The following NRG3 variants were observed in gnomAD, a reference collection of about 807,000 sequenced individuals.
NRG3 encodes pro-neuregulin-3, membrane-bound isoform.
NRG3 carries 31 observed loss-of-function variants against 66.9 expected under a neutral mutation model. The observed-to-expected ratio is 0.46, with a 90% CI of 0.35 to 0.63. The LOEUF is 0.63. NRG3 is among the 20% of genes least tolerant of loss of function. The pLI, the probability that NRG3 is intolerant of heterozygous loss-of-function variation, is 0.00. For synonymous variants in NRG3, 393 were observed against 359.4 expected, an observed-to-expected ratio of 1.09 and a Z score of -1.06; for missense variants, 910 against 878.9, an observed-to-expected ratio of 1.04 and a Z score of -0.45.
intron 1 of NRG3, among the ~76,000 whole-genome samples, chr10:82,013,764 T>C (rs965710450): frequency 9.2e-5 from 14 of 152,192 alleles, no homozygotes; most frequent in African/African-American, 3.4e-4. Flanking sequence ...CATGCAATTA[T>C]ATGTCTAATG....
chr10:82,898,715 C>CTTTTTTT (rs765058089), intron 4 of NRG3, among the ~76,000 whole-genome samples: 23 of 89,386 alleles, frequency 2.6e-4, no homozygotes, highest in African/African-American at 8.8e-4. Context: ...GGAGTTTTAC[C>CTTTTTTT]TTTTTTTTTT....
chr10:82,657,712 A>G (rs983674329), intron 2 of NRG3, among the ~76,000 whole-genome samples: 5 of 152,294 alleles, frequency 3.3e-5, no homozygotes, highest in African/African-American at 9.6e-5. Context: ...ACTACATTCT[A>G]TAGGCATTGA....
chr10:82,085,716 A>G (rs1423204151), intron 1 of NRG3, among the ~76,000 whole-genome samples: 1 of 151,818 alleles, frequency 6.6e-6, no homozygotes, highest in Non-Finnish European at 1.5e-5. Flanking sequence ...GGCTCACTGC[A>G]ACCTTCGCCT....
chr10:82,318,166 C>G (rs2081387767), intron 1 of NRG3, among the ~76,000 whole-genome samples: 1 of 151,832 alleles, frequency 6.6e-6, no homozygotes, highest in African/African-American at 2.4e-5. Context: ...TTGCAGCTCA[C>G]TAGGAATTTC....
At chr10:82,613,950 T>C (rs1221029486) in intron 2 of NRG3, among the ~76,000 whole-genome samples, 1 of 150,810 alleles carries the variant, frequency 6.6e-6, no homozygotes, top group Non-Finnish European at 1.5e-5. Context: ...TTGCCTAGGC[T>C]CTAGTGCAGT....
At chr10:81,990,097 C>A (rs949624127) in intron 1 of NRG3, among the ~76,000 whole-genome samples, 11 of 152,066 alleles carry the variant, frequency 7.2e-5, no homozygotes, top group African/African-American at 2.7e-4. Flanking sequence ...AAGGTGTTTG[C>A]GACAGAGTTT....
rs1413368799 is a variant in NRG3 at position 82,550,006 on chromosome 10, G to T, written c.954-188571G>T. 2.0e-5 allele frequency among the ~76,000 whole-genome samples: 3 copies of T among 152,076 alleles called. No homozygotes were observed. In the East Asian group the frequency reaches 5.8e-4, roughly 29 times the overall value. On this transcript the variant is annotated intron_variant, in intron 2 of 8. Transcript: ENST00000372141. ...AAAAATAAGGATTGTGTTGCTGGAG[G>T]CAGCAAAACATATTTTCCCTCATCT...
chr10:82,258,511 A>T (rs1254578435), intron 1 of NRG3, among the ~76,000 whole-genome samples: 2 of 152,218 alleles, frequency 1.3e-5, no homozygotes, highest in Non-Finnish European at 2.9e-5. Flanking sequence ...ATGGATTTTC[A>T]TGACACAGAC....
intron 8 of NRG3, 87 bp from the exon 9 acceptor site, chr10:82,985,011 G>A: frequency 2.7e-6 from 4 of 1,469,360 alleles, no homozygotes; most frequent in Non-Finnish European, 3.8e-6. Flanking sequence ...GTGAGATGGT[G>A]CATGTGAAAA....
intron 1 of NRG3, among the ~76,000 whole-genome samples, chr10:82,102,468 A>G (rs1381345359): frequency 6.6e-6 from 1 of 151,126 alleles, no homozygotes; most frequent in Non-Finnish European, 1.5e-5. Context: ...AATTATTGAC[A>G]TGGTTTTATT....
At chr10:82,565,226 A>G (rs559180829) in intron 2 of NRG3, among the ~76,000 whole-genome samples, 1 of 152,208 alleles carries the variant, frequency 6.6e-6, no homozygotes, top group South Asian at 2.1e-4. Flanking sequence ...GCCACACCCT[A>G]CTACAGAGAA....
chr10:82,864,471 C>G (rs1461645988), intron 3 of NRG3, among the ~76,000 whole-genome samples: 2 of 152,098 alleles, frequency 1.3e-5, no homozygotes, highest in Non-Finnish European at 2.9e-5. Context: ...GTCTTGGAAA[C>G]AATTACAATG....
intron 1 of NRG3, among the ~76,000 whole-genome samples, chr10:81,950,878 A>G (rs1589569549): frequency 1.3e-5 from 2 of 152,302 alleles, no homozygotes; most frequent in East Asian, 3.9e-4. Flanking sequence ...TTATTTGAAT[A>G]CATATTATTA....
chr10:82,346,693 C>T (rs1347370851), intron 1 of NRG3, among the ~76,000 whole-genome samples: 8 of 150,910 alleles, frequency 5.3e-5, no homozygotes, highest in Non-Finnish European at 1.2e-4. Context: ...TCCATCTGGT[C>T]CTGGACTCTT....
At chr10:82,292,299 TA>T (rs1175634812) in intron 1 of NRG3, among the ~76,000 whole-genome samples, 1 of 150,462 alleles carries the variant, frequency 6.6e-6, no homozygotes, top group South Asian at 2.1e-4. Context: ...TGGCTAAAGT[TA>T]AAAAAAAAGA....
At position 82,493,774 on chromosome 10, in the gene NRG3, G is replaced by T. The variant is rs998303737; in HGVS notation, c.953+134906G>T. ...GATCTCATTACATTAAGTAGCTTCTGCACAGCAAAAGAAACTATCATCAGA... is the reference window on the plus strand; with the variant it reads ...GATCTCATTACATTAAGTAGCTTCTTCACAGCAAAAGAAACTATCATCAGA... On this transcript the variant is annotated intron_variant, in intron 2 of 8. Transcript: ENST00000372141. 7.9e-5 allele frequency among the ~76,000 whole-genome samples: 12 copies of T among 152,112 alleles called. 1 individual carries two copies. Among genetic ancestry groups the T allele is most frequent in the African/African-American group, 2.4e-4 (10 of 41,414 alleles).
At chr10:81,986,928 C>T (rs2060543191) in intron 1 of NRG3, among the ~76,000 whole-genome samples, 1 of 152,154 alleles carries the variant, frequency 6.6e-6, no homozygotes. Context: ...GTAATCCTCC[C>T]ACCTTGGCCT....
intron 1 of NRG3, among the ~76,000 whole-genome samples, chr10:81,881,083 T>C (rs2132471970): frequency 6.6e-6 from 1 of 152,274 alleles, no homozygotes; most frequent in African/African-American, 2.4e-5. Flanking sequence ...GTTTTCCATT[T>C]CACTCTTCCC....
chr10:81,918,860 T>C (rs1454216814), intron 1 of NRG3, among the ~76,000 whole-genome samples: 1 of 149,414 alleles, frequency 6.7e-6, no homozygotes, highest in African/African-American at 2.5e-5. Context: ...AAGCATTGAA[T>C]AGAATCATTG....
Sources: gnomAD v4.1 joint callset for allele counts (sites outside exome capture counted in the v4.1 genomes callset) on GRCh38, gnomAD v4.1.1 for gene constraint, MANE v1.5 for transcripts, NCBI Gene and HGNC (gene_info 2026-07-23, HGNC 2026-07-21) for gene names.